Variants in CLCA1 observed in about 807,000 individuals in gnomAD.
CLCA1 encodes chloride channel accessory 1, also known as calcium-activated chloride channel regulator 1.
A neutral mutation model predicts 85.6 loss-of-function variants in CLCA1; 59 were observed. The observed-to-expected ratio is 0.69, with a 90% CI of 0.56 to 0.86. The LOEUF (loss-of-function observed/expected upper bound fraction) is 0.86. Ranked by LOEUF, CLCA1 falls within the 40% of genes least tolerant of loss-of-function variation. CLCA1 has a pLI of 0.00. For synonymous variants in CLCA1, 396 were observed against 398.3 expected (o/e 0.99, Z 0.07); for missense variants, 1,022 against 1,101.4 (o/e 0.93, Z 1.02).
chr1:86,485,313 T>C, intron 5 of CLCA1, 30 bp from the exon 6 acceptor site: 1 of 1,501,056 alleles, frequency 6.7e-7, no homozygotes, highest in Non-Finnish European at 9.3e-7. Context: ...TAGTTTACCA[T>C]TATCTATATA....
In CLCA1 at chr1:86,495,553, C is replaced by A; in HGVS notation, c.1991C>A (p.Thr664Asn). Residue 664 changes from threonine (T) to asparagine (N), a missense_variant, in exon 12 of 14, where the codon ACT (threonine) becomes AAT (asparagine). Thr to Asn is a moderately conservative substitution (Grantham distance 65, BLOSUM62 0). Coordinates refer to ENST00000394711, the MANE Select transcript of CLCA1 (RefSeq NM_001285.4). ...DDGVYSRYFTTYDTNGRYSVK... is the reference protein window; with the variant it reads ...DDGVYSRYFTNYDTNGRYSVK... ...GGTGTCTACTCAAGGTATTTCACAA[C>A]TTATGACACGAATGGTAGATACAGT... 6.2e-7 allele frequency: 1 copy of A among 1,614,028 alleles called. No homozygotes were observed. The highest frequency in any genetic ancestry group is 8.5e-7 in the Non-Finnish European group (1 of 1,179,904).
At position 86,495,464 on chromosome 1, in the gene CLCA1, T is replaced by A. The variant is rs560868368; in HGVS notation, c.1943-41T>A. 2.9e-5 allele frequency: 44 copies of A among 1,511,308 alleles called. No homozygotes were observed. In the South Asian group the frequency reaches 4.5e-4, roughly 15 times the overall value. The allele number at this position is 1,511,308 out of a possible 1,614,324, so 93.6% of individuals were successfully genotyped here. On this transcript the variant is annotated intron_variant, in intron 11 of 13. Transcript: ENST00000394711. ...ATGAGTTGGAAATATACAAATACCC[T>A]CCCCGTTACCTATTTATTAATTCCT...
Position 86,500,036 on chromosome 1 carries a change from A to G in CLCA1, c.2736A>G (p.Ser912=). The G allele has an allele frequency of 7.5e-6, 12 of 1,606,916 alleles. No individual in the cohort carries two copies. Among genetic ancestry groups the G allele is most frequent in the Non-Finnish European group, 1.0e-5 (12 of 1,174,022 alleles). Residue 912 remains serine, a synonymous_variant, in exon 14 of 14, where the codon TCA becomes TCG. Transcript: ENST00000394711. ...AGTGGATAGGAGAACTGCAGCTGTCAATAGCCTAGGGCTGAATTTTTGTCA... is the reference window on the plus strand; with the variant it reads ...AGTGGATAGGAGAACTGCAGCTGTCGATAGCCTAGGGCTGAATTTTTGTCA... ...MWKWIGELQL[S]IA
Position 86,491,360 on chromosome 1 carries a change from C to T in CLCA1, c.1453C>T (p.Arg485Cys), listed in dbSNP as rs556934697. ...LSSGNGAVSQ[R>C]SIQLESKGLT... ...ATCAGGAAATGGAGCTGTCTCTCAGCGCTCCATCCAGGTTGGAGTTCTTAA... is the reference window on the plus strand; with the variant it reads ...ATCAGGAAATGGAGCTGTCTCTCAGTGCTCCATCCAGGTTGGAGTTCTTAA... The change falls in exon 9 of 14, where the codon CGC becomes TGC. Residue 485 changes from arginine to cysteine, a missense_variant. Coordinates refer to ENST00000394711, the MANE Select transcript of CLCA1 (RefSeq NM_001285.4). 1.4e-5 allele frequency: 22 copies of T among 1,607,856 alleles called. 2 individuals are homozygous for T. The highest frequency in any genetic ancestry group is 3.3e-4 in the Middle Eastern group (2 of 6,046).
At position 86,492,777 on chromosome 1, in the gene CLCA1, A is replaced by G. The variant is rs1321691; in HGVS notation, c.1465-607A>G. On this transcript the variant is annotated intron_variant, in intron 9 of 13. Coordinates refer to ENST00000394711, the MANE Select transcript of CLCA1 (RefSeq NM_001285.4). Reference sequence around the variant, plus strand: ...GCCTGCAATACTACCTGACTTAGCAATTAGGTAATTCAGACAATCCATGCG... The same window carrying G: ...GCCTGCAATACTACCTGACTTAGCAGTTAGGTAATTCAGACAATCCATGCG... 7.4e-3 allele frequency among the ~76,000 whole-genome samples: 1,121 copies of G among 152,332 alleles called. 14 individuals carry two copies. Among genetic ancestry groups the G allele is most frequent in the African/African-American group, 0.026 (1,065 of 41,572 alleles).
rs143508908 is a variant in CLCA1 at position 86,496,044 on chromosome 1, T to C, written c.2113+369T>C. On this transcript the variant is annotated intron_variant, in intron 12 of 13. Transcript: ENST00000394711. ...AAGCCCAGCCCTCTATCAAATACAG[T>C]ATTTTGTGTAATCTTTTTGTACTTC... Among the ~76,000 whole-genome samples the C allele has an allele frequency of 3.1e-4, 47 of 152,300 alleles. 1 individual carries two copies. In the East Asian group the frequency reaches 7.1e-3, roughly 23 times the overall value.
chr1:86,494,113 C>T (rs1321689), intron 10 of CLCA1, 74 bp from the exon 11 acceptor site: 1,144,010 of 1,534,790 alleles, frequency 0.75, 426,919 homozygotes, highest in South Asian at 0.8. Flanking sequence ...AGGGTTTTCC[C>T]GTACGTGACA....
At chr1:86,485,593 C>T (rs748165837) in intron 6 of CLCA1, 32 bp downstream of exon 6, 17 of 1,592,246 alleles carry the variant, frequency 1.1e-5, no homozygotes, top group Non-Finnish European at 1.3e-5. Flanking sequence ...CTTCTGGATG[C>T]TGGTCACAGA....
intron 4 of CLCA1, among the ~76,000 whole-genome samples, chr1:86,481,262 G>A (rs1181928173): frequency 2.0e-5 from 3 of 151,740 alleles, no homozygotes; most frequent in Non-Finnish European, 4.4e-5. Context: ...TTAGCTTCCC[G>A]AGTAGCTGGG....
intron 3 of CLCA1, among the ~76,000 whole-genome samples, chr1:86,474,825 G>A (rs1176777564): frequency 3.3e-5 from 5 of 152,108 alleles, no homozygotes; most frequent in African/African-American, 7.2e-5. Context: ...TATATAAAAT[G>A]TACTTTCCAA....
chr1:86,494,470 AG>A (rs1161526094), intron 11 of CLCA1, 22 bp downstream of exon 11: 3 of 1,611,438 alleles, frequency 1.9e-6, no homozygotes, highest in Non-Finnish European at 2.5e-6. Flanking sequence ...AGAAATTGGA[AG>A]ATATTTATTT....
Position 86,482,273 on chromosome 1 carries a change from G to T in CLCA1, c.626G>T (p.Arg209Ile), listed in dbSNP as rs760451228. Reference protein sequence around the residue: ...KCQGGSCYTKRCTFNKVTGLY... With the variant: ...KCQGGSCYTKICTFNKVTGLY... The stretch of plus-strand genomic sequence containing the variant: ...CAGGGAGGCAGCTGTTACACCAAAA[G>T]ATGCACATTCAATAAAGTAACAGGA... Residue 209 changes from arginine (R) to isoleucine (I), a missense_variant, in exon 5 of 14, where the codon AGA (arginine) becomes ATA (isoleucine). Physicochemically the swap from Arg to Ile is moderately conservative, Grantham distance 97. Transcript: ENST00000394711. 1.1e-5 allele frequency: 17 copies of T among 1,613,810 alleles called. No homozygotes were observed. Among genetic ancestry groups the T allele is most frequent in the Non-Finnish European group, 1.4e-5 (17 of 1,179,822 alleles).
chr1:86,494,549 G>C, intron 11 of CLCA1, 101 bp downstream of exon 11: 1 of 1,246,052 alleles, frequency 8.0e-7, no homozygotes, highest in Non-Finnish European at 1.1e-6. Context: ...AGACAGGCAA[G>C]GCAGCACAGC....
In CLCA1 at chr1:86,482,256, C is replaced by T. The variant is rs773764250; in HGVS notation, c.609C>T (p.Gly203=). The change falls in exon 5 of 14, where the codon GGC becomes GGT. Residue 203 remains glycine, a synonymous_variant. Transcript: ENST00000394711. The part of the protein sequence containing the change: ...GTNVVKKCQG[G]SCYTKRCTFN... ...ATGTAGTAAAGAAGTGTCAGGGAGG[C>T]AGCTGTTACACCAAAAGATGCACAT... The T allele has an allele frequency of 1.9e-6, 3 of 1,613,744 alleles. No individual in the cohort carries two copies. The highest frequency in any genetic ancestry group is 2.2e-5 in the East Asian group (1 of 44,880).
intron 12 of CLCA1, among the ~76,000 whole-genome samples, chr1:86,497,115 C>T (rs1258542896): frequency 6.6e-6 from 1 of 152,222 alleles, no homozygotes; most frequent in African/African-American, 2.4e-5. Context: ...ATTTTACTTA[C>T]AGTAATATAT....
At chr1:86,475,487 C>T (rs578130124) in intron 3 of CLCA1, among the ~76,000 whole-genome samples, 23 of 152,320 alleles carry the variant, frequency 1.5e-4, no homozygotes, top group African/African-American at 5.5e-4. Context: ...TATTGTCTGT[C>T]CTCATGGAGA....
At chr1:86,470,973 C>G (rs1356797806) in intron 1 of CLCA1, among the ~76,000 whole-genome samples, 1 of 152,196 alleles carries the variant, frequency 6.6e-6, no homozygotes. Flanking sequence ...CCACTTCCAT[C>G]CACTGCATTC....
Position 86,491,318 on chromosome 1 carries a change from G to A in CLCA1, c.1411G>A (p.Ala471Thr). 6.2e-7 allele frequency: 1 copy of A among 1,613,710 alleles called. No homozygotes were observed. Among genetic ancestry groups the A allele is most frequent in the African/African-American group, 1.3e-5 (1 of 75,028 alleles). The change falls in exon 9 of 14, where the codon GCT (alanine) becomes ACT (threonine). Residue 471 changes from alanine to threonine, a missense_variant. Ala to Thr is a moderately conservative substitution (Grantham distance 58). Coordinates refer to ENST00000394711, the MANE Select transcript of CLCA1 (RefSeq NM_001285.4). ...DQVQNNGLID[A>T]FGALSSGNGA... is the part of the protein sequence containing the mutation. ...AGTTCAGAACAATGGCCTCATTGAT[G>A]CTTTTGGGGCCCTTTCATCAGGAAA...
At chr1:86,474,257 T>C (rs1248715187) in intron 3 of CLCA1, among the ~76,000 whole-genome samples, 1 of 152,330 alleles carries the variant, frequency 6.6e-6, no homozygotes, top group East Asian at 1.9e-4. Flanking sequence ...TGTGCAGTGC[T>C]CTCAGACGTG....
Sources: gnomAD v4.1 joint callset for allele counts (sites outside exome capture counted in the v4.1 genomes callset) on GRCh38, gnomAD v4.1.1 for gene constraint, MANE v1.5 for transcripts, NCBI Gene and HGNC (gene_info 2026-07-23, HGNC 2026-07-21) for gene names.